Variants in MTMR12 observed in about 807,000 individuals in gnomAD.
MTMR12 encodes myotubularin-related protein 12.
Under a neutral mutation model 96.7 loss-of-function variants are expected in MTMR12, and 33 were observed. The observed-to-expected ratio is 0.34, with a 90% CI of 0.26 to 0.46. The LOEUF (loss-of-function observed/expected upper bound fraction) is 0.46, where lower values mean the gene tolerates loss of function less well. Among genes scored for constraint, MTMR12 ranks in the 20% least tolerant of loss-of-function variants. MTMR12 has a pLI of 1.00. For missense variants in MTMR12, 721 were observed against 896.1 expected (o/e 0.80, Z 2.49); for synonymous variants, 298 against 327.2 (o/e 0.91, Z 0.96).
At chr5:32,251,753 T>G (rs1192257361) in intron 8 of MTMR12, among the ~76,000 whole-genome samples, 1 of 152,126 alleles carries the variant, frequency 6.6e-6, no homozygotes, top group Non-Finnish European at 1.5e-5. Flanking sequence ...GGAAGGCCCA[T>G]GGAACGGGAC....
chr5:32,272,046 C>A (rs1749856400), intron 3 of MTMR12, 141 bp from the exon 4 acceptor site: 1 of 442,496 alleles, frequency 2.3e-6, no homozygotes, highest in Non-Finnish European at 4.0e-6. Flanking sequence ...AATCCCAGCA[C>A]TTTGGGAGGC....
intron 1 of MTMR12, among the ~76,000 whole-genome samples, chr5:32,286,326 A>G (rs1750538141): frequency 6.6e-6 from 1 of 152,044 alleles, no homozygotes; most frequent in South Asian, 2.1e-4. Flanking sequence ...GGGTGACAGT[A>G]AGATTCTGTC....
chr5:32,299,166 A>G (rs1751038489), intron 1 of MTMR12, among the ~76,000 whole-genome samples: 1 of 152,122 alleles, frequency 6.6e-6, no homozygotes, highest in Admixed American at 6.6e-5. Flanking sequence ...AATGTTCACT[A>G]CCTGCTAGGT....
At chr5:32,263,947 T>A (rs1749484068) in intron 6 of MTMR12, among the ~76,000 whole-genome samples, 1 of 152,242 alleles carries the variant, frequency 6.6e-6, no homozygotes, top group East Asian at 1.9e-4. Context: ...ATTTGAATAG[T>A]ATCTCAGGAT....
chr5:32,240,057 A>C (rs1748402816), intron 12 of MTMR12, among the ~76,000 whole-genome samples: 1 of 152,230 alleles, frequency 6.6e-6, no homozygotes, highest in Non-Finnish European at 1.5e-5. Flanking sequence ...TTTTTAAAAA[A>C]TGTCCATGAG....
chr5:32,291,576 T>C (rs537261380), intron 1 of MTMR12, among the ~76,000 whole-genome samples: 1 of 152,298 alleles, frequency 6.6e-6, no homozygotes, highest in South Asian at 2.1e-4. Context: ...AGGAGCATTT[T>C]AATAATCAAG....
chr5:32,236,161 T>C (rs1748219505), intron 13 of MTMR12, among the ~76,000 whole-genome samples: 1 of 152,178 alleles, frequency 6.6e-6, no homozygotes, highest in South Asian at 2.1e-4. Context: ...CTCCAAGGGC[T>C]GGGTGAACAG....
At chr5:32,287,971 T>G (rs1329845651) in intron 1 of MTMR12, among the ~76,000 whole-genome samples, 4 of 152,016 alleles carry the variant, frequency 2.6e-5, no homozygotes, top group Non-Finnish European at 5.9e-5. Flanking sequence ...CTGGGTAGAA[T>G]CTCCCTTCAG....
intron 1 of MTMR12, among the ~76,000 whole-genome samples, chr5:32,278,806 G>A (rs1395645585): frequency 1.3e-5 from 2 of 152,066 alleles, no homozygotes; most frequent in African/African-American, 4.8e-5. Context: ...GGCCAGGTGT[G>A]GTGGCTCACG....
intron 1 of MTMR12, among the ~76,000 whole-genome samples, chr5:32,282,487 A>G (rs1750340801): frequency 6.6e-6 from 1 of 151,630 alleles, no homozygotes; most frequent in South Asian, 2.1e-4. Flanking sequence ...AAAAATCATC[A>G]TGAGTATCTA....
At chr5:32,271,958 T>C in intron 3 of MTMR12, 53 bp from the exon 4 acceptor site, 1 of 1,101,794 alleles carries the variant, frequency 9.1e-7, no homozygotes. Flanking sequence ...TGTTAGACAT[T>C]TATAGGCAGA....
In MTMR12 at chr5:32,228,701, C is replaced by T. The variant is rs974677930; in HGVS notation, c.*1077G>A. On this transcript the variant is annotated 3_prime_UTR_variant, in exon 16 of 16. Transcript: ENST00000382142. The stretch of plus-strand genomic sequence containing the variant: ...GTGACCAGGCATAGTCAAGTTTCTT[C>T]TATGGCTTTTAAAATCACTGAGGTA... The T allele has an allele frequency of 2.0e-5, 3 of 149,878 alleles. No individual in the cohort carries two copies. The highest frequency in any genetic ancestry group is 6.8e-5 in the Admixed American group (1 of 14,814). The allele number at this position is 149,878 out of a possible 1,614,324, so 9.3% of individuals were successfully genotyped here.
chr5:32,312,886 C>G lies in MTMR12; in HGVS notation c.-48G>C, dbSNP rs773121825. The G allele has an allele frequency of 6.7e-7, 1 of 1,488,182 alleles. No individual in the cohort carries two copies. Among genetic ancestry groups the G allele is most frequent in the Admixed American group, 2.2e-5 (1 of 44,750 alleles). 92.2% of individuals were successfully genotyped at this position (1,488,182 alleles called of 1,614,324 possible). A position where few individuals can be genotyped will look rare whatever the true frequency, so the allele number is the denominator to read the frequency against. On this transcript the variant is annotated 5_prime_UTR_variant, in exon 1 of 16. Coordinates refer to ENST00000382142, the MANE Select transcript of MTMR12 (RefSeq NM_001040446.3). The surrounding 1 kb of genome is among the most constrained non-coding windows in gnomAD (Gnocchi z 5.0). ...ACGCGCGGACGCAGAGGCGGCGGCTCGGGCTCCAGCTGGGGCAGCAGCGGC... is the reference window on the plus strand; with the variant it reads ...ACGCGCGGACGCAGAGGCGGCGGCTGGGGCTCCAGCTGGGGCAGCAGCGGC...
At chr5:32,246,538 T>C (rs750341490) in intron 10 of MTMR12, among the ~76,000 whole-genome samples, 2 of 152,228 alleles carry the variant, frequency 1.3e-5, no homozygotes, top group Non-Finnish European at 2.9e-5. Flanking sequence ...GAGTTGACTA[T>C]TGTTTCTTCT....
intron 10 of MTMR12, among the ~76,000 whole-genome samples, chr5:32,246,170 G>GGTTTTTTTTTTT (rs1554056246): frequency 1.2e-5 from 1 of 82,772 alleles, no homozygotes; most frequent in Non-Finnish European, 2.7e-5. Context: ...TGAGTAGACA[G>GGTTTTTTTTTTT]TTTTTTTTTT....
chr5:32,263,269 T>A, intron 6 of MTMR12, 27 bp from the exon 7 acceptor site: 1 of 1,612,096 alleles, frequency 6.2e-7, no homozygotes, highest in Non-Finnish European at 8.5e-7. Context: ...TAAAAGACAA[T>A]AAAATCTTTC....
chr5:32,233,266 A>G lies in MTMR12; in HGVS notation c.1674+507T>C, dbSNP rs1413171063. ...AATGGCTACTCCAAGGGCAGAGCAG[A>G]CTAAGGCTTCTTTTGTACTACAACA... On this transcript the variant is annotated intron_variant, in intron 15 of 15. Coordinates refer to ENST00000382142, the MANE Select transcript of MTMR12 (RefSeq NM_001040446.3). This position sits in a 1 kb window ranked among gnomAD's most constrained non-coding sequence, Gnocchi z 5.0. 6.6e-6 allele frequency among the ~76,000 whole-genome samples: 1 copy of G among 151,878 alleles called. No homozygotes were observed. The highest frequency in any genetic ancestry group is 6.6e-5 in the Admixed American group (1 of 15,248).
chr5:32,251,116 C>T (rs1330663703), intron 8 of MTMR12, among the ~76,000 whole-genome samples: 3 of 137,008 alleles, frequency 2.2e-5, no homozygotes, highest in Non-Finnish European at 3.0e-5. Context: ...AGTGCAGTGG[C>T]GGGATCTCGG....
At chr5:32,272,004 A>G in intron 3 of MTMR12, 99 bp from the exon 4 acceptor site, 1 of 700,138 alleles carries the variant, frequency 1.4e-6, no homozygotes, top group Non-Finnish European at 2.2e-6. Context: ...ATTAAGAAAA[A>G]TGGGGGGCCG....
Sources: allele counts gnomAD v4.1 joint callset (sites outside exome capture counted in the v4.1 genomes callset), GRCh38; gene constraint gnomAD v4.1.1; non-coding constraint Gnocchi (gnomAD v3.1); transcripts MANE v1.5; gene names NCBI Gene and HGNC (gene_info 2026-07-23, HGNC 2026-07-21).